The following KRT83 variants were observed in gnomAD, a reference collection of about 807,000 sequenced individuals.
KRT83 encodes keratin 83.
In KRT83, 51 loss-of-function variants were observed where a neutral mutation model predicts 52.9. The observed-to-expected ratio is 0.96, with a 90% CI of 0.77 to 1.22. The LOEUF is 1.22. Ranked by LOEUF, KRT83 falls within the 50% of genes most tolerant of loss-of-function variation. The pLI is 0.00. For synonymous variants in KRT83, 278 were observed against 274.1 expected (o/e 1.01, Z -0.14); for missense variants, 654 against 666.5 (o/e 0.98, Z 0.21).
In KRT83 at chr12:52,314,546, C is replaced by A. The variant is rs1214025675; in HGVS notation, c.*85G>T. 35 of 1,260,922 alleles carry A rather than the reference C, an allele frequency of 2.8e-5. No homozygotes were observed. The highest frequency in any genetic ancestry group is 3.6e-5 in the Non-Finnish European group (32 of 884,090). The allele number at this position is 1,260,922 out of a possible 1,614,324, so 78.1% of individuals were successfully genotyped here. ...CTCAGAACACAAGGGGAAAAGCCAG[C>A]GATGTGCTGCTGTTTTCAGCTGGTG... On this transcript the variant is annotated 3_prime_UTR_variant, in exon 9 of 9. Transcript: ENST00000293670.
At chr12:52,315,607 A>G (rs1235587119) in intron 7 of KRT83, among the ~76,000 whole-genome samples, 1 of 152,254 alleles carries the variant, frequency 6.6e-6, no homozygotes, top group African/African-American at 2.4e-5. Context: ...CTGAACAACC[A>G]TATCTGTCAG....
Position 52,320,935 on chromosome 12 carries a change from T to G in KRT83, c.384+17A>C. 1 of 1,613,810 alleles carries G rather than the reference T, an allele frequency of 6.2e-7. No individual in the cohort carries two copies. The highest frequency in any genetic ancestry group is 8.5e-7 in the Non-Finnish European group (1 of 1,179,866). Reference sequence around the variant, plus strand: ...GAGTAGGGGTTCAGGAAGGGTGTGATCCAGGACGACACCCACCTTGTCGAT... The same window carrying G: ...GAGTAGGGGTTCAGGAAGGGTGTGAGCCAGGACGACACCCACCTTGTCGAT... On this transcript the variant is annotated intron_variant, in intron 1 of 8. Coordinates refer to ENST00000293670, the MANE Select transcript of KRT83 (RefSeq NM_002282.3).
Position 52,314,752 on chromosome 12 carries a change from G to A in KRT83, c.1361C>T (p.Thr454Met), listed in dbSNP as rs527789843. 2.6e-5 allele frequency: 42 copies of A among 1,600,626 alleles called. No individual in the cohort carries two copies. The highest frequency in any genetic ancestry group is 2.2e-4 in the East Asian group (10 of 44,454). The change falls in exon 9 of 9, where the codon ACG (threonine) becomes ATG (methionine). Residue 454 changes from threonine to methionine, a missense_variant. Transcript: ENST00000293670. ...DLCVSGSRPV[T>M]GSVCSAPCNG... ...GCAGGGGGCACTGCAGACGCTGCCC[G>A]TCACCGGCCGGGAGCCCGACACGCA...
chr12:52,316,273 C>CACACACACACAT (rs768360379), intron 6 of KRT83, among the ~76,000 whole-genome samples, 160 bp from the exon 7 acceptor site: 2,346 of 152,074 alleles, frequency 0.015, 24 homozygotes, highest in Middle Eastern at 0.048. Flanking sequence ...CACACACACA[C>CACACACACACAT]ACACACACAC....
Position 52,319,362 on chromosome 12 carries a change from C to A in KRT83, c.387G>T (p.Val129=). The A allele has an allele frequency of 6.2e-7, 1 of 1,614,026 alleles. No homozygotes were observed. Among genetic ancestry groups the A allele is most frequent in the Non-Finnish European group, 8.5e-7 (1 of 1,179,906 alleles). Reference sequence around the variant, plus strand: ...GCTTGTTCTGCTGCTCCAGGAAGCGCACCTGCCACCCAGAGGCAGAGCCTA... The same window carrying A: ...GCTTGTTCTGCTGCTCCAGGAAGCGAACCTGCCACCCAGAGGCAGAGCCTA... The part of the protein sequence containing the change: ...NSRFAAFIDK[V]RFLEQQNKLL... Residue 129 remains valine, a splice_region_variant and synonymous_variant, in exon 2 of 9, where the codon GTG becomes GTT. Transcript: ENST00000293670.
Position 52,315,978 on chromosome 12 carries a change from C to T in KRT83, c.1177G>A (p.Glu393Lys), listed in dbSNP as rs2121338443. 1 of 1,613,186 alleles carries T rather than the reference C, an allele frequency of 6.2e-7. No homozygotes were observed. The highest frequency in any genetic ancestry group is 2.2e-5 in the East Asian group (1 of 44,854). ...TTGGAGTTCATCACCTCCTGGTACT[C>T]CCTGATCAGGCAGGCCATGTCTTGC... Reference protein sequence around the residue: ...AKQDMACLIREYQEVMNSKLG... With the variant: ...AKQDMACLIRKYQEVMNSKLG... The change falls in exon 7 of 9, where the codon GAG becomes AAG. Residue 393 changes from glutamate to lysine, a missense_variant. Transcript: ENST00000293670.
chr12:52,321,293 C>T lies in KRT83; in HGVS notation c.43G>A (p.Gly15Arg). The change falls in exon 1 of 9, where the codon GGA becomes AGA. Residue 15 changes from glycine to arginine, a missense_variant. By Grantham distance (125) the Gly-to-Arg change is moderately radical. Transcript: ENST00000293670. Reference protein sequence around the residue: ...FNSIGCGFRPGNFSCVSACGP... With the variant: ...FNSIGCGFRPRNFSCVSACGP... ...CAGGCAGAGACACAGCTGAAGTTTC[C>T]AGGGCGGAACCCACAGCCTATGGAG... is the stretch of plus-strand genomic sequence containing the variant. 6.2e-7 allele frequency: 1 copy of T among 1,613,634 alleles called. No homozygotes were observed. The highest frequency in any genetic ancestry group is 1.1e-5 in the South Asian group (1 of 91,090).
At chr12:52,320,839 G>A in intron 1 of KRT83, 113 bp downstream of exon 1, 2 of 1,600,906 alleles carry the variant, frequency 1.2e-6, no homozygotes, top group Non-Finnish European at 1.7e-6. Context: ...TTTCCCTTTG[G>A]CCTGGGAACT....
chr12:52,318,199 G>A (rs148585621), intron 2 of KRT83, among the ~76,000 whole-genome samples: 3 of 151,822 alleles, frequency 2.0e-5, no homozygotes, highest in African/African-American at 7.3e-5. Context: ...TTTTTGAGAT[G>A]GAGTCTCGCT....
At position 52,319,306 on chromosome 12, in the gene KRT83, T is replaced by G; in HGVS notation, c.443A>C (p.Asn148Thr). ...LLETKLQFYQNRECCQSNLEP... is the reference protein window; with the variant it reads ...LLETKLQFYQTRECCQSNLEP... ...CAGGTTACTCTGGCAGCACTCGCGG[T>G]TTTGGTAGAACTGCAGCTTTGTCTC... The change falls in exon 2 of 9, where the codon AAC (asparagine) becomes ACC (threonine). Residue 148 changes from asparagine (N) to threonine (T), a missense_variant. Transcript: ENST00000293670. 6.2e-7 allele frequency: 1 copy of G among 1,613,994 alleles called. No homozygotes were observed. The highest frequency in any genetic ancestry group is 8.5e-7 in the Non-Finnish European group (1 of 1,179,920).
At chr12:52,317,608 C>T in intron 4 of KRT83, 73 bp downstream of exon 4, 1 of 1,517,386 alleles carries the variant, frequency 6.6e-7, no homozygotes, top group Non-Finnish European at 9.1e-7. Context: ...TGGTTCATGC[C>T]TGTGGGTGTC....
chr12:52,319,900 G>T (rs10876277), intron 1 of KRT83, among the ~76,000 whole-genome samples: 48,961 of 152,088 alleles, frequency 0.32, 8,057 homozygotes, highest in East Asian at 0.49. Context: ...AATGTCCTGT[G>T]CTCCAACCCC....
chr12:52,320,808 T>C (rs1938756248), intron 1 of KRT83, 144 bp downstream of exon 1: 1 of 1,525,402 alleles, frequency 6.6e-7, no homozygotes, highest in Non-Finnish European at 9.1e-7. Flanking sequence ...TTTCTGTCTG[T>C]GTCCTAGAAG....
rs755572344 is a variant in KRT83 at position 52,321,300 on chromosome 12, G to T, written c.36C>A (p.Phe12Leu). 6.2e-6 allele frequency: 10 copies of T among 1,613,662 alleles called. No homozygotes were observed. In the South Asian group the frequency reaches 1.1e-4, roughly 18 times the overall value. Reference protein sequence around the residue: ...TCGFNSIGCGFRPGNFSCVSA... With the variant: ...TCGFNSIGCGLRPGNFSCVSA... The stretch of plus-strand genomic sequence containing the variant: ...AGACACAGCTGAAGTTTCCAGGGCG[G>T]AACCCACAGCCTATGGAGTTGAAGC... Residue 12 changes from phenylalanine to leucine, a missense_variant, in exon 1 of 9, where the codon TTC (phenylalanine) becomes TTA (leucine). Physicochemically the swap from Phe to Leu is conservative, Grantham distance 22. Transcript: ENST00000293670.
intron 5 of KRT83, 40 bp from the exon 6 acceptor site, chr12:52,316,633 C>T (rs1198527624): frequency 6.2e-7 from 1 of 1,614,016 alleles, no homozygotes; most frequent in Non-Finnish European, 8.5e-7. Flanking sequence ...CAGGATGAGA[C>T]ATCCCATTCA....
In KRT83 at chr12:52,317,985, G is replaced by C; in HGVS notation, c.594-15C>G. On this transcript the variant is annotated splice_polypyrimidine_tract_variant and intron_variant, in intron 2 of 8. Coordinates refer to ENST00000293670, the MANE Select transcript of KRT83 (RefSeq NM_002282.3). ...CTTCTTCATACCTGAGGTGAGCAGG[G>C]AGAACAGGACCTTGTCTGAACAGCT... is the stretch of plus-strand genomic sequence containing the variant. The C allele has an allele frequency of 6.2e-7, 1 of 1,612,730 alleles. No homozygotes were observed. Among genetic ancestry groups the C allele is most frequent in the Non-Finnish European group, 8.5e-7 (1 of 1,178,836 alleles).
In KRT83 at chr12:52,316,077, G is replaced by T. The variant is rs1303548360; in HGVS notation, c.1078C>A (p.Gln360Lys). 6.2e-7 allele frequency: 1 copy of T among 1,613,688 alleles called. No homozygotes were observed. Among genetic ancestry groups the T allele is most frequent in the African/African-American group, 1.3e-5 (1 of 75,036 alleles). The change falls in exon 7 of 9, where the codon CAG (glutamine) becomes AAG (lysine). Residue 360 changes from glutamine (Q) to lysine (K), a missense_variant. Physicochemically the swap from Gln to Lys is moderately conservative, Grantham distance 53 (BLOSUM62 1). Transcript: ENST00000293670. ...TCACTGAGGGCCGCCTCACCCTGCTGCTCAGACTGGGCCACCGCAGCTTCC... is the reference window on the plus strand; with the variant it reads ...TCACTGAGGGCCGCCTCACCCTGCTTCTCAGACTGGGCCACCGCAGCTTCC... ...KLEAAVAQSE[Q>K]QGEAALSDAR...
In KRT83 at chr12:52,321,184, C is replaced by T; in HGVS notation, c.152G>A (p.Gly51Asp). 6.2e-7 allele frequency: 1 copy of T among 1,612,804 alleles called. No homozygotes were observed. The highest frequency in any genetic ancestry group is 8.5e-7 in the Non-Finnish European group (1 of 1,179,394). ...GAAGCCCCCGCACACGCTGTGGCTG[C>T]CAAAGCCCCCGGTGAGGCCGCGGTA... Reference protein sequence around the residue: ...SCYRGLTGGFGSHSVCGGFRA... With the variant: ...SCYRGLTGGFDSHSVCGGFRA... Residue 51 changes from glycine to aspartate, a missense_variant, in exon 1 of 9, where the codon GGC becomes GAC. Transcript: ENST00000293670.
At chr12:52,315,481 T>C in intron 7 of KRT83, 138 bp from the exon 8 acceptor site, 3 of 983,358 alleles carry the variant, frequency 3.1e-6, no homozygotes. Context: ...TTAGAAAAAG[T>C]TGCCTTTCTG....
Sources: gnomAD v4.1 joint callset for allele counts (sites outside exome capture counted in the v4.1 genomes callset) on GRCh38, gnomAD v4.1.1 for gene constraint, MANE v1.5 for transcripts, NCBI Gene and HGNC (gene_info 2026-07-23, HGNC 2026-07-21) for gene names.